Variants in PARP14 observed in about 807,000 individuals in gnomAD.
The protein encoded by PARP14 is protein mono-ADP-ribosyltransferase PARP14.
A neutral mutation model predicts 154.2 loss-of-function variants in PARP14; 59 were observed. The observed-to-expected ratio is 0.38, with a 90% CI of 0.31 to 0.48. PARP14 has a LOEUF of 0.48. PARP14 is among the 20% of genes least tolerant of loss of function. The pLI is 0.98. For synonymous variants in PARP14, 720 were observed against 780.5 expected, an observed-to-expected ratio of 0.92 and a Z score of 1.29; for missense variants, 1,734 against 2,131.6, an observed-to-expected ratio of 0.81 and a Z score of 3.67.
rs1933332152 is a variant in PARP14, at chr3:122,727,972, A to G, written c.5102A>G (p.Tyr1701Cys). 6.2e-7 allele frequency: 1 copy of G among 1,610,418 alleles called. No homozygotes were observed. Among genetic ancestry groups the G allele is most frequent in the Admixed American group, 1.7e-5 (1 of 59,164 alleles). ...AATCGAAATGGCTTTAACCGCAGCT[A>G]TGCCGGAAAGAATGGTAAGGAAGCG... ...HVNRNGFNRSYAGKNAVAYGK... is the reference protein window; with the variant it reads ...HVNRNGFNRSCAGKNAVAYGK... Residue 1701 changes from tyrosine to cysteine, a missense_variant, in exon 16 of 17, where the codon TAT (tyrosine) becomes TGT (cysteine). Tyr to Cys is a radical substitution (Grantham distance 194, BLOSUM62 -2). Around this residue, in one of 2 missense-constraint regions of PARP14, gnomAD observed 88 missense variants for 155.6 expected, o/e 0.57. Coordinates refer to ENST00000474629, the MANE Select transcript of PARP14 (RefSeq NM_017554.3).
chr3:122,716,743 G>A (rs914591983), intron 12 of PARP14, among the ~76,000 whole-genome samples: 3 of 152,084 alleles, frequency 2.0e-5, no homozygotes, highest in African/African-American at 7.2e-5. Context: ...TGGGCTCCCC[G>A]CTCCATGCTT....
In PARP14 at chr3:122,718,242, T is replaced by G. The variant is rs777050007; in HGVS notation, c.4172T>G (p.Leu1391Arg). The G allele has an allele frequency of 6.2e-7, 1 of 1,613,668 alleles. No homozygotes were observed. Among genetic ancestry groups the G allele is most frequent in the South Asian group, 1.1e-5 (1 of 91,028 alleles). Residue 1391 changes from leucine to arginine, a missense_variant, in exon 13 of 17, where the codon CTT (leucine) becomes CGT (arginine). Leu to Arg is a moderately radical substitution (Grantham distance 102, BLOSUM62 -2). Coordinates refer to ENST00000474629, the MANE Select transcript of PARP14 (RefSeq NM_017554.3). ...ATGAAGAAAAGAGAAGGGACTCAGC[T>G]TTCTTCCCAACAGTCTGTGATGTCT... ...ANMKKREGTQ[L>R]SSQQSVMSKL... is the part of the protein sequence containing the mutation.
chr3:122,683,416 C>G (rs1938276444), intron 1 of PARP14: 4 of 281,586 alleles, frequency 1.4e-5, no homozygotes, highest in Non-Finnish European at 2.1e-5. Context: ...CAAATAGAAA[C>G]AAATGGGAAG....
rs755305571 is a variant in PARP14 at position 122,681,112 on chromosome 3, C to T, written c.187+42C>T. ...GTGGGGTGAGGAGGGGGCACCTCTGCCCTCCCTCCAGGGAAATGGCGGCAG... is the reference window on the plus strand; with the variant it reads ...GTGGGGTGAGGAGGGGGCACCTCTGTCCTCCCTCCAGGGAAATGGCGGCAG... On this transcript the variant is annotated intron_variant, in intron 1 of 16. Coordinates refer to ENST00000474629, the MANE Select transcript of PARP14 (RefSeq NM_017554.3). This position sits in a 1 kb window ranked among gnomAD's most constrained non-coding sequence, Gnocchi z 5.5. 52 of 1,495,412 alleles carry T rather than the reference C, an allele frequency of 3.5e-5. No homozygotes were observed. Among genetic ancestry groups the T allele is most frequent in the Non-Finnish European group, 4.5e-5 (48 of 1,078,360 alleles). 92.6% of individuals were successfully genotyped at this position (1,495,412 alleles called of 1,614,324 possible).
chr3:122,717,869 T>C (rs1039037081), intron 12 of PARP14, among the ~76,000 whole-genome samples: 5 of 152,220 alleles, frequency 3.3e-5, no homozygotes, highest in Non-Finnish European at 5.9e-5. Flanking sequence ...GCTGTGGGCT[T>C]CCTGACATCC....
chr3:122,695,722 T>C, intron 5 of PARP14, 60 bp downstream of exon 5: 1 of 755,470 alleles, frequency 1.3e-6, no homozygotes, highest in Non-Finnish European at 2.2e-6. Flanking sequence ...CAGAGCTTAA[T>C]AGTTATAAAT....
intron 15 of PARP14, among the ~76,000 whole-genome samples, chr3:122,725,749 T>C (rs1235171369): frequency 2.0e-5 from 3 of 152,218 alleles, no homozygotes; most frequent in Non-Finnish European, 4.4e-5. Context: ...CAATCTTTTA[T>C]CTTTTAACTA....
intron 9 of PARP14, among the ~76,000 whole-genome samples, chr3:122,709,517 T>C (rs777029969): frequency 2.0e-5 from 3 of 152,194 alleles, no homozygotes; most frequent in Non-Finnish European, 4.4e-5. Context: ...TGTGTGTATG[T>C]TTTTTCATAT....
Position 122,680,929 on chromosome 3 carries a change from G to C in PARP14, c.46G>C (p.Gly16Arg), listed in dbSNP as rs555667403. ...SFPLLVEGSW[G>R]PDPPKNLNTK... ...CCCGCTGCTGGTCGAGGGCTCCTGGGGCCCCGACCCCCCGAAGAACTTGAA... is the reference window on the plus strand; with the variant it reads ...CCCGCTGCTGGTCGAGGGCTCCTGGCGCCCCGACCCCCCGAAGAACTTGAA... Residue 16 changes from glycine to arginine, a missense_variant, in exon 1 of 17, where the codon GGC becomes CGC. Coordinates refer to ENST00000474629, the MANE Select transcript of PARP14 (RefSeq NM_017554.3). 1.9e-6 allele frequency: 3 copies of C among 1,612,682 alleles called. No individual in the cohort carries two copies. The highest frequency in any genetic ancestry group is 1.3e-5 in the African/African-American group (1 of 74,950).
chr3:122,714,151 G>GTTTT, intron 11 of PARP14, 111 bp from the exon 12 acceptor site: 6 of 776,716 alleles, frequency 7.7e-6, no homozygotes, highest in Admixed American at 3.5e-5. Context: ...TATTTCAGGA[G>GTTTT]TTTTTTTTTT....
At chr3:122,682,777 C>T (rs943241248) in intron 1 of PARP14, among the ~76,000 whole-genome samples, 4 of 152,114 alleles carry the variant, frequency 2.6e-5, no homozygotes, top group Non-Finnish European at 5.9e-5. Flanking sequence ...ACCGGCCGGG[C>T]GTGGTGGCTC....
At chr3:122,719,880 G>GC (rs1258194970) in intron 14 of PARP14, among the ~76,000 whole-genome samples, 13 of 152,206 alleles carry the variant, frequency 8.5e-5, no homozygotes, top group Non-Finnish European at 2.9e-5. Flanking sequence ...CAACTACTTA[G>GC]AACACTGTAG....
intron 2 of PARP14, among the ~76,000 whole-genome samples, chr3:122,686,514 A>T (rs1938377629): frequency 6.6e-6 from 1 of 151,794 alleles, no homozygotes; most frequent in Admixed American, 6.6e-5. Flanking sequence ...GCTGGAGTGC[A>T]GTGGCACCAC....
chr3:122,710,224 T>C (rs975594821), intron 9 of PARP14, among the ~76,000 whole-genome samples: 1 of 152,172 alleles, frequency 6.6e-6, no homozygotes, highest in African/African-American at 2.4e-5. Context: ...CCATTTTGAG[T>C]TGATTTTTAT....
At chr3:122,726,406 T>C (rs1933287857) in intron 15 of PARP14, among the ~76,000 whole-genome samples, 1 of 152,234 alleles carries the variant, frequency 6.6e-6, no homozygotes, top group South Asian at 2.1e-4. Context: ...GAAGAAATTA[T>C]TGTCTTCTGA....
chr3:122,701,343 T>C lies in PARP14; in HGVS notation c.2789T>C (p.Leu930Ser). The C allele has an allele frequency of 6.2e-7, 1 of 1,614,064 alleles. No homozygotes were observed. ...AGTTCTGGAGTCTTTGGCTTTCCCT[T>C]AGGCCGATGCGTGGAGACCATTGTT... Reference protein sequence around the residue: ...AISSGVFGFPLGRCVETIVSA... With the variant: ...AISSGVFGFPSGRCVETIVSA... The change falls in exon 6 of 17, where the codon TTA becomes TCA. Residue 930 changes from leucine (L) to serine (S), a missense_variant. Around this residue, in one of 2 missense-constraint regions of PARP14, gnomAD observed 1,646 missense variants for 1,976.0 expected, o/e 0.83. Transcript: ENST00000474629. This position sits in a 1 kb window ranked among gnomAD's most constrained non-coding sequence, Gnocchi z 4.0.
Position 122,718,624 on chromosome 3 carries a change from G to C in PARP14, c.4473G>C (p.Lys1491Asn). The C allele has an allele frequency of 6.2e-7, 1 of 1,613,944 alleles. No individual in the cohort carries two copies. Among genetic ancestry groups the C allele is most frequent in the Non-Finnish European group, 8.5e-7 (1 of 1,179,854 alleles). Reference sequence around the variant, plus strand: ...ATATTAACATTTCCCTGGACCATAAGAGACCTTTGATTAAGGTTTTGGGAA... The same window carrying C: ...ATATTAACATTTCCCTGGACCATAACAGACCTTTGATTAAGGTTTTGGGAA... ...KLNINISLDH[K>N]RPLIKVLGIS... Residue 1491 changes from lysine (K) to asparagine (N), a missense_variant, in exon 14 of 17, where the codon AAG (lysine) becomes AAC (asparagine). By Grantham distance (94) the Lys-to-Asn change is moderately conservative. Transcript: ENST00000474629.
chr3:122,693,701 C>G (rs1479147935), intron 4 of PARP14, among the ~76,000 whole-genome samples: 1 of 151,886 alleles, frequency 6.6e-6, no homozygotes, highest in Non-Finnish European at 1.5e-5. Context: ...ATTAGCCAGG[C>G]ATGGTGGCGC....
intron 3 of PARP14, among the ~76,000 whole-genome samples, chr3:122,689,822 G>A (rs575979319): frequency 2.0e-5 from 3 of 152,154 alleles, no homozygotes; most frequent in Non-Finnish European, 2.9e-5. Flanking sequence ...CACAAGCTGG[G>A]AGATAAAGTC....
Sources: gnomAD v4.1 joint callset for allele counts (sites outside exome capture counted in the v4.1 genomes callset) on GRCh38, gnomAD v4.1.1 for gene constraint, gnomAD v4.1.1 regional missense constraint, Gnocchi (gnomAD v3.1) non-coding constraint, MANE v1.5 for transcripts, NCBI Gene and HGNC (gene_info 2026-07-23, HGNC 2026-07-21) for gene names.